ADAMTS6: variants seen among roughly 807,000 people sequenced by gnomAD.
ADAMTS6 encodes ADAM metallopeptidase with thrombospondin type 1 motif 6.
ADAMTS6 carries 23 observed loss-of-function variants against 144.3 expected under a neutral mutation model. The ratio of observed to expected loss-of-function variants is 0.16; its 90% CI spans 0.11 to 0.23. The LOEUF is 0.23. Among genes scored for constraint, ADAMTS6 ranks in the 10% least tolerant of loss-of-function variants. The probability of loss-of-function intolerance (pLI) is 1.00; values close to 1 mark genes in which losing one functional copy is unlikely to be tolerated. For synonymous variants in ADAMTS6, 444 were observed against 457.5 expected, an observed-to-expected ratio of 0.97 and a Z score of 0.38; for missense variants, 999 against 1,379.6, an observed-to-expected ratio of 0.72 and a Z score of 4.37.
intron 9 of ADAMTS6, among the ~76,000 whole-genome samples, chr5:65,325,492 CTTT>C (rs1260973906): frequency 7.1e-6 from 1 of 141,786 alleles, no homozygotes. Flanking sequence ...TTCAATATAG[CTTT>C]TTTTTTTTTT....
intron 8 of ADAMTS6, among the ~76,000 whole-genome samples, chr5:65,332,020 T>C (rs1323866434): frequency 6.6e-6 from 1 of 151,742 alleles, no homozygotes; most frequent in African/African-American, 2.4e-5. Context: ...ACACATTATT[T>C]TGAGAAAAAT....
At chr5:65,449,260 A>T (rs139477807) in intron 7 of ADAMTS6, among the ~76,000 whole-genome samples, 1,860 of 152,314 alleles carry the variant, frequency 0.012, 21 homozygotes, top group Middle Eastern at 0.065. Flanking sequence ...TCGAACTACT[A>T]ATCTTATTAA....
At chr5:65,213,540 T>C (rs554887439) in intron 20 of ADAMTS6, among the ~76,000 whole-genome samples, 10 of 151,630 alleles carry the variant, frequency 6.6e-5, no homozygotes, top group African/African-American at 2.2e-4. Flanking sequence ...AAGGTTGAGG[T>C]GGGAGGATCA....
At chr5:65,263,042 A>G (rs1415495839) in intron 12 of ADAMTS6, 80 bp from the exon 13 acceptor site, 5 of 1,542,374 alleles carry the variant, frequency 3.2e-6, no homozygotes, top group Non-Finnish European at 4.4e-6. Context: ...AGGGTCAGGT[A>G]CTGACCAACT....
At chr5:65,343,428 G>A (rs1229157098) in intron 7 of ADAMTS6, among the ~76,000 whole-genome samples, 1 of 151,934 alleles carries the variant, frequency 6.6e-6, no homozygotes, top group Non-Finnish European at 1.5e-5. Context: ...AAGGTGCCAA[G>A]AACACTCATT....
chr5:65,319,049 C>T (rs11740921), intron 9 of ADAMTS6, among the ~76,000 whole-genome samples: 17,232 of 151,792 alleles, frequency 0.11, 1,041 homozygotes, highest in African/African-American at 0.16. Context: ...GGATGTGAGA[C>T]ACATTCATCA....
At chr5:65,407,667 C>T in intron 7 of ADAMTS6, among the ~76,000 whole-genome samples, 1 of 151,956 alleles carries the variant, frequency 6.6e-6, no homozygotes, top group Non-Finnish European at 1.5e-5. Context: ...AGGACATGAA[C>T]TCATCATTTT....
At chr5:65,231,905 T>G (rs1188616150) in intron 15 of ADAMTS6, among the ~76,000 whole-genome samples, 1 of 151,632 alleles carries the variant, frequency 6.6e-6, no homozygotes, top group Non-Finnish European at 1.5e-5. Flanking sequence ...AGGTCAGGAG[T>G]TCGAGACCAG....
chr5:65,472,838 T>A (rs543072201), intron 2 of ADAMTS6, among the ~76,000 whole-genome samples: 4 of 152,308 alleles, frequency 2.6e-5, no homozygotes, highest in African/African-American at 9.6e-5. Context: ...CTTTTTAACA[T>A]GGATTTCTAG....
chr5:65,222,315 C>G (rs1373156477), intron 18 of ADAMTS6, among the ~76,000 whole-genome samples: 1 of 152,116 alleles, frequency 6.6e-6, no homozygotes, highest in Non-Finnish European at 1.5e-5. Context: ...TCCATGTATG[C>G]TTAATTGATC....
At chr5:65,216,931 G>A (rs961234140) in intron 18 of ADAMTS6, among the ~76,000 whole-genome samples, 1 of 152,052 alleles carries the variant, frequency 6.6e-6, no homozygotes, top group Non-Finnish European at 1.5e-5. Flanking sequence ...CTAGCTGACT[G>A]CAAAAACTTT....
At chr5:65,266,339 T>C (rs563923767) in intron 12 of ADAMTS6, among the ~76,000 whole-genome samples, 1 of 152,102 alleles carries the variant, frequency 6.6e-6, no homozygotes, top group East Asian at 1.9e-4. Context: ...AAAGGCCTTA[T>C]ACTGCATAAA....
chr5:65,221,841 C>T (rs531568797), intron 18 of ADAMTS6, among the ~76,000 whole-genome samples: 14 of 151,808 alleles, frequency 9.2e-5, no homozygotes, highest in Non-Finnish European at 2.1e-4. Context: ...TATATTATTC[C>T]CTAACAACAA....
intron 16 of ADAMTS6, among the ~76,000 whole-genome samples, chr5:65,225,345 A>T (rs1170053872): frequency 1.3e-5 from 2 of 152,232 alleles, no homozygotes; most frequent in Non-Finnish European, 2.9e-5. Context: ...AGCCAGAAGG[A>T]TAGAAACTTT....
chr5:65,234,356 T>C (rs577017868), intron 15 of ADAMTS6, among the ~76,000 whole-genome samples: 2 of 145,210 alleles, frequency 1.4e-5, no homozygotes, highest in East Asian at 4.0e-4. Context: ...ATCCACAGAA[T>C]AGGAGAAAAT....
chr5:65,460,362 C>G, intron 3 of ADAMTS6, 24 bp from the exon 4 acceptor site: 1 of 1,561,720 alleles, frequency 6.4e-7, no homozygotes, highest in Non-Finnish European at 8.7e-7. Flanking sequence ...AAACAAAGAA[C>G]TTACCAAAGA....
chr5:65,225,130 T>G (rs1457441000), intron 16 of ADAMTS6, 83 bp from the exon 17 acceptor site: 9 of 1,365,052 alleles, frequency 6.6e-6, no homozygotes, highest in Non-Finnish European at 7.7e-6. Flanking sequence ...ACTTATTTAT[T>G]TGCTTGTTTT....
chr5:65,333,689 C>A, intron 8 of ADAMTS6, among the ~76,000 whole-genome samples: 1 of 150,166 alleles, frequency 6.7e-6, no homozygotes. Context: ...CTTGGTATTT[C>A]TAGAAAATAC....
chr5:65,378,771 T>C (rs1022589563), intron 7 of ADAMTS6, among the ~76,000 whole-genome samples: 1 of 152,186 alleles, frequency 6.6e-6, no homozygotes, highest in Non-Finnish European at 1.5e-5. Flanking sequence ...CTTGTATCAT[T>C]CACTGCTATT....
Sources: gnomAD v4.1 joint callset for allele counts (sites outside exome capture counted in the v4.1 genomes callset) on GRCh38, gnomAD v4.1.1 for gene constraint, MANE v1.5 for transcripts, NCBI Gene and HGNC (gene_info 2026-07-23, HGNC 2026-07-21) for gene names.